The following JAK2 variants were observed in gnomAD, a reference collection of about 807,000 sequenced individuals.
The protein encoded by JAK2 is Janus kinase 2, also known as tyrosine-protein kinase JAK2.
Under a neutral mutation model 139.3 loss-of-function variants are expected in JAK2, and 86 were observed. The observed-to-expected ratio is 0.62, with a 90% CI of 0.52 to 0.74. The LOEUF (loss-of-function observed/expected upper bound fraction) is 0.74. JAK2 is among the 30% of genes least tolerant of loss of function. The pLI is 0.00. For synonymous variants in JAK2, 490 were observed against 437.7 expected, an observed-to-expected ratio of 1.12 and a Z score of -1.49; for missense variants, 1,421 against 1,360.3, an observed-to-expected ratio of 1.04 and a Z score of -0.70.
At chr9:5,060,439 G>C (rs780839840) in intron 8 of JAK2, among the ~76,000 whole-genome samples, 8 of 152,158 alleles carry the variant, frequency 5.3e-5, no homozygotes, top group Non-Finnish European at 1.2e-4. Context: ...ACTGCTTTAT[G>C]TACTAAACTT....
chr9:5,078,335 A>G lies in JAK2; in HGVS notation c.2022A>G (p.Val674=), dbSNP rs1283411464. The change falls in exon 16 of 25, where the codon GTA becomes GTG. Residue 674 remains valine, a synonymous_variant. Transcript: ENST00000381652. ...AAAACACCCTTATTCATGGGAATGT[A>G]TGTGCCAAAAATATTCTGCTTATCA... is the stretch of plus-strand genomic sequence containing the variant. ...LEENTLIHGN[V]CAKNILLIRE... 3 of 1,612,450 alleles carry G rather than the reference A, an allele frequency of 1.9e-6. No individual in the cohort carries two copies. Among genetic ancestry groups the G allele is most frequent in the Non-Finnish European group, 2.5e-6 (3 of 1,178,886 alleles).
chr9:4,995,099 T>C (rs898815153), intron 2 of JAK2, among the ~76,000 whole-genome samples: 1 of 152,218 alleles, frequency 6.6e-6, no homozygotes, highest in African/African-American at 2.4e-5. Context: ...TGTTTTCAGA[T>C]GACTTGATTG....
intron 8 of JAK2, among the ~76,000 whole-genome samples, chr9:5,062,141 A>T (rs1818220474): frequency 6.6e-6 from 1 of 152,100 alleles, no homozygotes; most frequent in Admixed American, 6.6e-5. Context: ...ATTTTTTTTC[A>T]GCCAAACATG....
intron 8 of JAK2, among the ~76,000 whole-genome samples, chr9:5,061,157 G>C (rs1818144883): frequency 2.0e-5 from 3 of 152,222 alleles, no homozygotes; most frequent in Admixed American, 6.5e-5. Context: ...AGGCAGAGTA[G>C]ACTTAGCATA....
At chr9:5,011,662 C>CA (rs1404037813) in intron 2 of JAK2, among the ~76,000 whole-genome samples, 3 of 151,944 alleles carry the variant, frequency 2.0e-5, no homozygotes, top group Non-Finnish European at 2.9e-5. Context: ...TTCTTCTTTT[C>CA]ATGTTTAATA....
intron 18 of JAK2, among the ~76,000 whole-genome samples, chr9:5,080,950 C>T (rs1819653357): frequency 7.7e-6 from 1 of 130,550 alleles, no homozygotes; most frequent in Non-Finnish European, 1.5e-5. Flanking sequence ...GGCTGGAGTG[C>T]AGTGGCGCGA....
chr9:5,021,942 C>T (rs926768721), intron 2 of JAK2, 21 bp from the exon 3 acceptor site: 3 of 1,455,624 alleles, frequency 2.1e-6, no homozygotes, highest in Admixed American at 3.4e-5. Flanking sequence ...CCATTTGTAA[C>T]TTTATTGTTT....
chr9:5,063,429 C>T (rs139806119), intron 8 of JAK2, among the ~76,000 whole-genome samples: 127 of 152,234 alleles, frequency 8.3e-4, no homozygotes, highest in African/African-American at 2.8e-3. Context: ...TTTCTGGGTA[C>T]AGCTATTATT....
At chr9:5,040,429 T>C (rs769339121) in intron 4 of JAK2, among the ~76,000 whole-genome samples, 5 of 152,192 alleles carry the variant, frequency 3.3e-5, no homozygotes, top group Non-Finnish European at 5.9e-5. Flanking sequence ...AAAGCTCAAG[T>C]GACAAAAGAA....
At chr9:5,068,227 C>T (rs1249839795) in intron 10 of JAK2, among the ~76,000 whole-genome samples, 2 of 150,040 alleles carry the variant, frequency 1.3e-5, no homozygotes, top group Non-Finnish European at 3.0e-5. Context: ...ACCTGATTGA[C>T]CTTGAGGTAT....
intron 4 of JAK2, among the ~76,000 whole-genome samples, chr9:5,040,643 T>A (rs915717689): frequency 1.3e-4 from 20 of 152,316 alleles, no homozygotes; most frequent in African/African-American, 4.8e-4. Context: ...ATTTAAAAAG[T>A]AGGCAAGGGA....
intron 2 of JAK2, among the ~76,000 whole-genome samples, chr9:5,007,670 C>T (rs945889268): frequency 1.3e-5 from 2 of 151,422 alleles, no homozygotes; most frequent in African/African-American, 4.8e-5. Flanking sequence ...TGGCAAAAAC[C>T]ACAATTACTT....
At chr9:5,029,707 A>G (rs1427423742) in intron 3 of JAK2, 76 bp from the exon 4 acceptor site, 8 of 1,328,028 alleles carry the variant, frequency 6.0e-6, no homozygotes, top group Non-Finnish European at 8.2e-6. Context: ...CTTTAGCTTC[A>G]TTTCAAATTA....
At chr9:5,112,662 T>G (rs1185193096) in intron 22 of JAK2, 2 of 960,706 alleles carry the variant, frequency 2.1e-6, no homozygotes, top group Non-Finnish European at 2.9e-6. Context: ...CTCCTTATCC[T>G]GCACCAGGCC....
At chr9:5,049,764 A>G (rs1252781913) in intron 5 of JAK2, among the ~76,000 whole-genome samples, 1 of 152,202 alleles carries the variant, frequency 6.6e-6, no homozygotes, top group Non-Finnish European at 1.5e-5. Context: ...CATGTATTGT[A>G]CTTATACAAA....
At chr9:5,051,722 A>G (rs1817428168) in intron 6 of JAK2, among the ~76,000 whole-genome samples, 1 of 152,158 alleles carries the variant, frequency 6.6e-6, no homozygotes, top group Non-Finnish European at 1.5e-5. Flanking sequence ...TGAGTACATC[A>G]TGAGTGTGGT....
chr9:5,024,212 C>CG (rs1333256810), intron 3 of JAK2, among the ~76,000 whole-genome samples: 1 of 152,064 alleles, frequency 6.6e-6, no homozygotes, highest in Non-Finnish European at 1.5e-5. Flanking sequence ...GCCGAGATTG[C>CG]GCCACTGCAC....
chr9:5,087,720 G>A (rs181665544), intron 19 of JAK2, among the ~76,000 whole-genome samples: 11 of 152,156 alleles, frequency 7.2e-5, no homozygotes, highest in Non-Finnish European at 7.4e-5. Flanking sequence ...AACATCAAAT[G>A]GTAACCACTG....
chr9:5,051,062 C>T (rs1817382562), intron 6 of JAK2, among the ~76,000 whole-genome samples: 1 of 152,086 alleles, frequency 6.6e-6, no homozygotes, highest in Non-Finnish European at 1.5e-5. Context: ...CTCTAATGAG[C>T]ATTTCCTTTG....
Sources: allele counts gnomAD v4.1 joint callset (sites outside exome capture counted in the v4.1 genomes callset), GRCh38; gene constraint gnomAD v4.1.1; transcripts MANE v1.5; gene names NCBI Gene and HGNC (gene_info 2026-07-23, HGNC 2026-07-21).